The following NCALD variants were observed in gnomAD, a reference collection of about 807,000 sequenced individuals.
NCALD encodes neurocalcin-delta.
A neutral mutation model predicts 18.6 loss-of-function variants in NCALD; 10 were observed. The ratio of observed to expected loss-of-function variants is 0.54; its 90% confidence interval spans 0.33 to 0.91. The LOEUF (loss-of-function observed/expected upper bound fraction) is 0.91, where lower values mean the gene tolerates loss of function less well. Ranked by LOEUF, NCALD falls within the 40% of genes least tolerant of loss-of-function variation. The pLI is 0.03. For synonymous variants in NCALD, 88 were observed against 87.4 expected (o/e 1.01, Z -0.04); for missense variants, 184 against 247.6 (o/e 0.74, Z 1.72).
At chr8:101,827,572 A>G (rs1390061805) in intron 4 of NCALD, among the ~76,000 whole-genome samples, 1 of 152,224 alleles carries the variant, frequency 6.6e-6, no homozygotes, top group Non-Finnish European at 1.5e-5. Flanking sequence ...ACATATCCAT[A>G]AATCATCACT....
At chr8:101,826,761 T>A (rs1006407463) in intron 4 of NCALD, among the ~76,000 whole-genome samples, 1 of 152,230 alleles carries the variant, frequency 6.6e-6, no homozygotes, top group African/African-American at 2.4e-5. Context: ...ATTAGGAGGA[T>A]CCTGGCTTAA....
intron 1 of NCALD, among the ~76,000 whole-genome samples, chr8:101,773,589 C>T (rs900437563): frequency 5.3e-5 from 8 of 152,138 alleles, no homozygotes; most frequent in Non-Finnish European, 7.4e-5. Context: ...GCTTTTTCCC[C>T]GCCTAATTCA....
intron 4 of NCALD, among the ~76,000 whole-genome samples, chr8:101,804,835 G>A (rs1813040173): frequency 6.6e-6 from 1 of 150,614 alleles, no homozygotes; most frequent in Non-Finnish European, 1.5e-5. Context: ...TCACTTTATT[G>A]CAATGTTCAC....
intron 4 of NCALD, among the ~76,000 whole-genome samples, chr8:101,845,918 G>A (rs1202154666): frequency 6.6e-6 from 1 of 152,132 alleles, no homozygotes; most frequent in Non-Finnish European, 1.5e-5. Flanking sequence ...TCCCACATAG[G>A]AGGGAGTATC....
In NCALD at chr8:101,719,241, A is replaced by C. The variant is rs367652648; in HGVS notation, c.378+11T>G. 1.1e-5 allele frequency: 17 copies of C among 1,608,706 alleles called. No individual in the cohort carries two copies. Among genetic ancestry groups the C allele is most frequent in the Non-Finnish European group, 1.4e-5 (16 of 1,177,728 alleles). ...ATGCCCTTCTTTTTTTAAAGGGCTCAGTCTACGTACCTGCACGATCTCTAG... is the reference window on the plus strand; with the variant it reads ...ATGCCCTTCTTTTTTTAAAGGGCTCCGTCTACGTACCTGCACGATCTCTAG... On this transcript the variant is annotated intron_variant, in intron 2 of 3. Coordinates refer to ENST00000220931, the MANE Select transcript of NCALD (RefSeq NM_032041.3).
At chr8:101,959,006 T>C (rs1053466315) in intron 2 of NCALD, among the ~76,000 whole-genome samples, 6 of 152,132 alleles carry the variant, frequency 3.9e-5, no homozygotes, top group Non-Finnish European at 8.8e-5. Flanking sequence ...AACATCAAAA[T>C]TGTGAAACAA....
chr8:101,729,015 T>C (rs372841370), intron 1 of NCALD, among the ~76,000 whole-genome samples: 1 of 152,226 alleles, frequency 6.6e-6, no homozygotes, highest in Non-Finnish European at 1.5e-5. Context: ...AAGAGGAGTA[T>C]GTGTTCATTT....
At chr8:101,750,507 T>A (rs1810610890) in intron 1 of NCALD, 1 of 152,226 alleles carries the variant, frequency 6.6e-6, no homozygotes, top group Non-Finnish European at 1.5e-5. Context: ...AGAGCAGGAT[T>A]TGGATATTTC....
intron 2 of NCALD, among the ~76,000 whole-genome samples, chr8:101,932,680 A>C (rs1818622340): frequency 6.6e-6 from 1 of 152,220 alleles, no homozygotes; most frequent in African/African-American, 2.4e-5. Flanking sequence ...CAGAGTCCTT[A>C]AACCCAGCTG....
intron 2 of NCALD, among the ~76,000 whole-genome samples, chr8:101,702,693 T>C (rs147321102): frequency 2.6e-4 from 39 of 152,368 alleles, no homozygotes; most frequent in Middle Eastern, 3.4e-3. Context: ...AAGAACTTTA[T>C]GTTCTGTGGT....
intron 4 of NCALD, among the ~76,000 whole-genome samples, chr8:101,865,217 T>C (rs796555220): frequency 2.6e-5 from 4 of 152,332 alleles, no homozygotes; most frequent in African/African-American, 9.6e-5. Context: ...GACATATTTA[T>C]CATTATTCTC....
At chr8:101,975,874 C>G (rs1820403445) in intron 2 of NCALD, among the ~76,000 whole-genome samples, 1 of 152,106 alleles carries the variant, frequency 6.6e-6, no homozygotes, top group Admixed American at 6.6e-5. Context: ...ACTCTCCAAC[C>G]TATTCTACCC....
At chr8:101,974,388 G>C (rs1319772361) in intron 2 of NCALD, among the ~76,000 whole-genome samples, 1 of 152,036 alleles carries the variant, frequency 6.6e-6, no homozygotes, top group African/African-American at 2.4e-5. Context: ...TCTATCCCCA[G>C]CTAAAAGATT....
intron 4 of NCALD, among the ~76,000 whole-genome samples, chr8:101,836,231 T>C (rs1361400088): frequency 6.6e-6 from 1 of 152,164 alleles, no homozygotes; most frequent in Non-Finnish European, 1.5e-5. Context: ...TTTCCTCAGT[T>C]ACAAACCAAT....
chr8:101,754,727 G>A (rs1466976343), intron 1 of NCALD, among the ~76,000 whole-genome samples: 10 of 152,154 alleles, frequency 6.6e-5, no homozygotes, highest in Non-Finnish European at 1.3e-4. Flanking sequence ...AAGCTCAGGA[G>A]GGTTAAGTTC....
chr8:102,089,415 G>A (rs976243640), intron 1 of NCALD, among the ~76,000 whole-genome samples: 4 of 150,692 alleles, frequency 2.7e-5, no homozygotes, highest in Admixed American at 1.3e-4. Flanking sequence ...AAAAAAGAAA[G>A]AAAAAAAGAA....
At chr8:102,039,816 G>A (rs1251405450) in intron 1 of NCALD, among the ~76,000 whole-genome samples, 3 of 152,028 alleles carry the variant, frequency 2.0e-5, no homozygotes, top group African/African-American at 7.2e-5. Context: ...TCCCCCTCAG[G>A]TTGAGTTCTT....
chr8:101,960,824 C>A (rs972590039), intron 2 of NCALD, among the ~76,000 whole-genome samples: 1 of 152,134 alleles, frequency 6.6e-6, no homozygotes, highest in Non-Finnish European at 1.5e-5. Context: ...GATTTCTATT[C>A]TTTGAATATA....
chr8:101,781,443 G>A (rs79790899), intron 1 of NCALD, among the ~76,000 whole-genome samples: 4,188 of 152,204 alleles, frequency 0.028, 93 homozygotes, highest in Middle Eastern at 0.048. Flanking sequence ...AGGTGACAAG[G>A]AGCACAACAT....
Sources: allele counts gnomAD v4.1 joint callset (sites outside exome capture counted in the v4.1 genomes callset), GRCh38; gene constraint gnomAD v4.1.1; transcripts MANE v1.5; gene names NCBI Gene and HGNC (gene_info 2026-07-23, HGNC 2026-07-21).